Variants in DAB1 observed in about 807,000 individuals in gnomAD.
DAB1 encodes DAB adaptor protein 1, also known as disabled homolog 1.
Under a neutral mutation model 64.6 loss-of-function variants are expected in DAB1, and 15 were observed. That is an observed-to-expected ratio of 0.23 (90% confidence interval 0.16 to 0.36). The LOEUF is 0.36. Among genes scored for constraint, DAB1 ranks in the 10% least tolerant of loss-of-function variants. The pLI is 1.00. For synonymous variants in DAB1, 235 were observed against 251.9 expected (o/e 0.93, Z 0.64); for missense variants, 596 against 706.7 (o/e 0.84, Z 1.78).
intron 5 of DAB1, among the ~76,000 whole-genome samples, chr1:58,127,242 C>A (rs1399775094): frequency 6.6e-6 from 1 of 152,188 alleles, no homozygotes; most frequent in African/African-American, 2.4e-5. Context: ...TGTTTCTTGG[C>A]TGCATAAATG....
intron 6 of DAB1, among the ~76,000 whole-genome samples, chr1:57,672,972 C>T (rs1229098409): frequency 1.3e-5 from 2 of 152,146 alleles, no homozygotes; most frequent in African/African-American, 4.8e-5. Flanking sequence ...CATAGTGACT[C>T]ATCTTTTGGT....
chr1:57,649,822 A>G (rs1295478677), intron 6 of DAB1, among the ~76,000 whole-genome samples: 1 of 152,258 alleles, frequency 6.6e-6, no homozygotes, highest in South Asian at 2.1e-4. Context: ...ACCACTGACG[A>G]AAAAGTCAAC....
chr1:57,740,863 G>A (rs1276813229), intron 6 of DAB1, among the ~76,000 whole-genome samples: 1 of 152,170 alleles, frequency 6.6e-6, no homozygotes, highest in African/African-American at 2.4e-5. Context: ...TATAGACAAA[G>A]TACAGAAATT....
At chr1:57,230,703 T>A (rs568183498) in intron 2 of DAB1, among the ~76,000 whole-genome samples, 88 of 152,256 alleles carry the variant, frequency 5.8e-4, no homozygotes, top group African/African-American at 2.0e-3. Context: ...TGTGTAATGA[T>A]CAAATCAGGG....
At chr1:57,256,785 C>A (rs766383612) in intron 2 of DAB1, among the ~76,000 whole-genome samples, 3 of 152,170 alleles carry the variant, frequency 2.0e-5, no homozygotes, top group Non-Finnish European at 4.4e-5. Context: ...TGACATGGGA[C>A]AAGCCTTGGC....
chr1:57,704,621 A>C (rs926779331), intron 6 of DAB1, among the ~76,000 whole-genome samples: 1 of 152,194 alleles, frequency 6.6e-6, no homozygotes, highest in Admixed American at 6.5e-5. Context: ...CTTTTAGGAA[A>C]GTCAGTTGAA....
chr1:57,182,101 A>G (rs561594780), intron 2 of DAB1, among the ~76,000 whole-genome samples: 28 of 152,184 alleles, frequency 1.8e-4, no homozygotes, highest in South Asian at 8.3e-4. Flanking sequence ...TAGCCAGGAT[A>G]GTCTCGATCT....
At chr1:57,084,422 A>G (rs192566004) in intron 4 of DAB1, among the ~76,000 whole-genome samples, 1 of 152,330 alleles carries the variant, frequency 6.6e-6, no homozygotes, top group Admixed American at 6.5e-5. Context: ...TCCAGGCTCT[A>G]AAACTATACA....
At chr1:57,580,604 C>T (rs1404723310) in intron 7 of DAB1, among the ~76,000 whole-genome samples, 1 of 151,934 alleles carries the variant, frequency 6.6e-6, no homozygotes, top group Non-Finnish European at 1.5e-5. Flanking sequence ...TTTCCTTCTC[C>T]TTGATCTCCC....
intron 2 of DAB1, among the ~76,000 whole-genome samples, chr1:57,271,660 G>C (rs532101435): frequency 6.6e-6 from 1 of 152,342 alleles, no homozygotes; most frequent in South Asian, 2.1e-4. Context: ...TACTGTACTA[G>C]AGGTCAGTAT....
intron 5 of DAB1, among the ~76,000 whole-genome samples, chr1:57,965,019 G>A (rs1645623761): frequency 6.6e-6 from 1 of 152,172 alleles, no homozygotes; most frequent in Non-Finnish European, 1.5e-5. Flanking sequence ...TAAAGACTGA[G>A]AATTCCAATG....
chr1:58,146,078 T>C (rs1654575417), intron 5 of DAB1, among the ~76,000 whole-genome samples: 2 of 152,260 alleles, frequency 1.3e-5, no homozygotes, highest in Non-Finnish European at 2.9e-5. Flanking sequence ...TCTAGCTTAC[T>C]TTATTGTAAA....
chr1:57,067,808 C>CA (rs1651070299), intron 8 of DAB1, among the ~76,000 whole-genome samples: 1 of 152,120 alleles, frequency 6.6e-6, no homozygotes, highest in African/African-American at 2.4e-5. Flanking sequence ...ATACTGAATC[C>CA]ACACAGCCAG....
chr1:57,797,637 T>G lies in DAB1; in HGVS notation n.551+86362A>C, dbSNP rs543375721. On this transcript the variant is annotated intron_variant and non_coding_transcript_variant, in intron 6 of 20. Transcript: ENST00000485760. ...ATCCCTGATTCTTCAGTGATAGTAA[T>G]CATTCCTTACACGTATAAAAGAGGT... Among the ~76,000 whole-genome samples the G allele has an allele frequency of 9.2e-5, 14 of 152,340 alleles. No homozygotes were observed. In the East Asian group the frequency reaches 2.7e-3, roughly 29 times the overall value.
In DAB1 at chr1:57,327,504, A is replaced by T. The variant is rs574447441; in HGVS notation, c.-136-36338T>A. Among the ~76,000 whole-genome samples, 8 of 152,276 alleles carry T rather than the reference A, an allele frequency of 5.3e-5. No individual in the cohort carries two copies. The South Asian group carries it at 1.7e-3, about 32-fold the overall frequency. On this transcript the variant is annotated intron_variant, in intron 1 of 14. Transcript: ENST00000371236. ...ACAATCTGCCAATCCTCCGGACGGC[A>T]GATGGGGCCTCTTCAGAACTGCTGC...
intron 9 of DAB1, among the ~76,000 whole-genome samples, chr1:57,029,145 G>T (rs925825421): frequency 6.6e-6 from 1 of 152,162 alleles, no homozygotes. Context: ...TAGGGACTTG[G>T]TGCCCTGTGT....
chr1:57,129,690 A>G (rs1420170391), intron 4 of DAB1, among the ~76,000 whole-genome samples: 1 of 152,078 alleles, frequency 6.6e-6, no homozygotes, highest in Non-Finnish European at 1.5e-5. Context: ...TTTGGGTTTC[A>G]GATCTCTTCA....
chr1:58,179,779 T>A (rs1336426735), intron 4 of DAB1, among the ~76,000 whole-genome samples: 1 of 152,028 alleles, frequency 6.6e-6, no homozygotes, highest in Non-Finnish European at 1.5e-5. Flanking sequence ...CATTAAATTT[T>A]TAGTTTTGTT....
chr1:58,126,938 T>C (rs1212056226), intron 5 of DAB1, among the ~76,000 whole-genome samples: 5 of 145,544 alleles, frequency 3.4e-5, no homozygotes, highest in African/African-American at 7.7e-5. Flanking sequence ...TGTGTCTTTA[T>C]AGCAGCATTA....
Sources: allele counts gnomAD v4.1 joint callset (sites outside exome capture counted in the v4.1 genomes callset), GRCh38; gene constraint gnomAD v4.1.1; transcripts MANE v1.5; gene names NCBI Gene and HGNC (gene_info 2026-07-23, HGNC 2026-07-21).